EYA2: variants seen among roughly 807,000 people sequenced by gnomAD.
EYA2 encodes the protein protein phosphatase EYA2.
Under a neutral mutation model 69.2 loss-of-function variants are expected in EYA2, and 31 were observed. The observed-to-expected ratio is 0.45, with a 90% CI of 0.34 to 0.60. EYA2 has a LOEUF of 0.60. Among genes scored for constraint, EYA2 ranks in the 20% least tolerant of loss-of-function variants. The pLI is 0.02. For missense variants in EYA2, 622 were observed against 701.2 expected (o/e 0.89, Z 1.28); for synonymous variants, 257 against 279.4 (o/e 0.92, Z 0.80).
At chr20:46,936,672 A>G (rs1371867683) in intron 1 of EYA2, among the ~76,000 whole-genome samples, 1 of 152,132 alleles carries the variant, frequency 6.6e-6, no homozygotes, top group Non-Finnish European at 1.5e-5. Flanking sequence ...GTGAAACGAC[A>G]TCAGACTCAA....
chr20:46,919,202 T>TCAA (rs748533261), intron 1 of EYA2, among the ~76,000 whole-genome samples: 28 of 152,358 alleles, frequency 1.8e-4, no homozygotes, highest in Non-Finnish European at 3.8e-4. Flanking sequence ...AGCATTGGCT[T>TCAA]CAACTTAAAG....
At chr20:47,012,778 G>A (rs551462041) in intron 4 of EYA2, among the ~76,000 whole-genome samples, 2 of 152,338 alleles carry the variant, frequency 1.3e-5, no homozygotes, top group Admixed American at 1.3e-4. Context: ...ACAGGCGTGA[G>A]CCACCGTACT....
intron 5 of EYA2, among the ~76,000 whole-genome samples, chr20:47,065,499 G>A (rs1600682472): frequency 6.6e-6 from 1 of 151,068 alleles, no homozygotes; most frequent in East Asian, 1.9e-4. Context: ...GGCAATTAGG[G>A]GAGAAAAAAA....
rs565708491 is a variant in EYA2, at chr20:47,172,691, C to T, written c.1038-16C>T. 38 of 1,599,016 alleles carry T rather than the reference C, an allele frequency of 2.4e-5. No individual in the cohort carries two copies. In the African/African-American group the frequency reaches 4.4e-4, roughly 19 times the overall value. The stretch of plus-strand genomic sequence containing the variant: ...CCCCCTGCACTAACACTGTCCCTCC[C>T]CTCCTCTCTCCGCAGCACATACAAC... On this transcript the variant is annotated splice_polypyrimidine_tract_variant and intron_variant, in intron 11 of 15. Transcript: ENST00000327619.
chr20:47,134,913 G>T (rs963860724), intron 9 of EYA2, among the ~76,000 whole-genome samples: 1 of 151,886 alleles, frequency 6.6e-6, no homozygotes, highest in Non-Finnish European at 1.5e-5. Flanking sequence ...GGATCATGAG[G>T]TCAGGAGATC....
At chr20:47,145,055 A>T (rs2033673165) in intron 10 of EYA2, among the ~76,000 whole-genome samples, 2 of 152,132 alleles carry the variant, frequency 1.3e-5, no homozygotes, top group Admixed American at 1.3e-4. Flanking sequence ...TATTGCCCCC[A>T]CTTCTGTGAG....
chr20:46,912,852 C>A (rs1048318426), intron 1 of EYA2, among the ~76,000 whole-genome samples: 2 of 151,500 alleles, frequency 1.3e-5, no homozygotes, highest in Non-Finnish European at 2.9e-5. Flanking sequence ...AGGCGCCCGC[C>A]ACCGCGCCCG....
intron 5 of EYA2, among the ~76,000 whole-genome samples, chr20:47,046,696 G>A (rs1033032752): frequency 3.3e-5 from 5 of 152,256 alleles, no homozygotes; most frequent in Non-Finnish European, 5.9e-5. Flanking sequence ...AAAATGTGTC[G>A]CCAGGTGGCT....
chr20:47,165,015 T>C (rs1366606937), intron 10 of EYA2, among the ~76,000 whole-genome samples: 1 of 152,238 alleles, frequency 6.6e-6, no homozygotes, highest in Non-Finnish European at 1.5e-5. Context: ...ATTTCTGCAA[T>C]GATAAAATAT....
chr20:46,899,412 G>A (rs1983981721), intron 1 of EYA2, among the ~76,000 whole-genome samples: 1 of 152,142 alleles, frequency 6.6e-6, no homozygotes, highest in Non-Finnish European at 1.5e-5. Flanking sequence ...ACCCTTAACC[G>A]GTTGGGTATG....
chr20:47,171,553 T>A (rs187303963), intron 11 of EYA2, among the ~76,000 whole-genome samples: 8 of 152,300 alleles, frequency 5.3e-5, no homozygotes, highest in African/African-American at 1.9e-4. Context: ...ATCCTCATCC[T>A]CATTTTTCAG....
intron 1 of EYA2, among the ~76,000 whole-genome samples, chr20:46,987,994 A>C (rs1262193458): frequency 3.8e-5 from 3 of 78,606 alleles, no homozygotes; most frequent in African/African-American, 1.9e-4. Flanking sequence ...ATATATATAT[A>C]TATGGGGCAA....
intron 1 of EYA2, among the ~76,000 whole-genome samples, chr20:46,939,687 A>C (rs1374679125): frequency 6.6e-6 from 1 of 152,204 alleles, no homozygotes; most frequent in Admixed American, 6.5e-5. Flanking sequence ...AGGAAGCAGG[A>C]CTGATATTCT....
At chr20:47,114,199 C>T (rs1357606863) in intron 9 of EYA2, among the ~76,000 whole-genome samples, 1 of 152,102 alleles carries the variant, frequency 6.6e-6, no homozygotes, top group African/African-American at 2.4e-5. Context: ...CAGATGAGAA[C>T]CCTGAGGCTC....
intron 9 of EYA2, among the ~76,000 whole-genome samples, chr20:47,141,470 A>C (rs1397862774): frequency 6.6e-6 from 1 of 152,200 alleles, no homozygotes; most frequent in Non-Finnish European, 1.5e-5. Flanking sequence ...GAGCATCACA[A>C]TATGTATCCA....
At chr20:47,178,727 T>A (rs1299012823) in intron 12 of EYA2, among the ~76,000 whole-genome samples, 1 of 149,394 alleles carries the variant, frequency 6.7e-6, no homozygotes. Flanking sequence ...TAGAAGGCAC[T>A]CCTGAATTTT....
intron 1 of EYA2, among the ~76,000 whole-genome samples, chr20:46,903,975 C>T (rs1343076400): frequency 6.6e-6 from 1 of 152,184 alleles, no homozygotes; most frequent in East Asian, 1.9e-4. Flanking sequence ...TTATGGGGAA[C>T]AGTGCACTGG....
chr20:47,130,523 C>T (rs1446980711), intron 9 of EYA2, among the ~76,000 whole-genome samples: 1 of 151,854 alleles, frequency 6.6e-6, no homozygotes, highest in Non-Finnish European at 1.5e-5. Flanking sequence ...CCTCGGCCTC[C>T]CAAAGTGCTG....
chr20:46,995,930 A>T (rs191001096), intron 2 of EYA2, among the ~76,000 whole-genome samples: 1 of 152,240 alleles, frequency 6.6e-6, no homozygotes, highest in South Asian at 2.1e-4. Flanking sequence ...CCCAATTTGC[A>T]GATGAGAAAA....
Sources: gnomAD v4.1 joint callset for allele counts (sites outside exome capture counted in the v4.1 genomes callset) on GRCh38, gnomAD v4.1.1 for gene constraint, MANE v1.5 for transcripts, NCBI Gene and HGNC (gene_info 2026-07-23, HGNC 2026-07-21) for gene names.